CAMK2A: variants seen among roughly 807,000 people sequenced by gnomAD.
The protein encoded by CAMK2A is calcium/calmodulin-dependent protein kinase type II subunit alpha.
A neutral mutation model predicts 79.2 loss-of-function variants in CAMK2A; 7 were observed. The observed-to-expected ratio is 0.09, with a 90% CI of 0.05 to 0.17. The LOEUF is 0.17. Ranked by LOEUF, CAMK2A falls within the 10% of genes least tolerant of loss-of-function variation. The pLI, the probability that CAMK2A is intolerant of heterozygous loss-of-function variation, is 1.00. For synonymous variants in CAMK2A, 242 were observed against 251.7 expected (o/e 0.96, Z 0.36); for missense variants, 214 against 646.4 (o/e 0.33, Z 7.25).
chr5:150,231,252 C>G, intron 16 of CAMK2A, 53 bp downstream of exon 16: 2 of 1,039,644 alleles, frequency 1.9e-6, no homozygotes, highest in East Asian at 2.5e-5. Flanking sequence ...GCCATTGGTA[C>G]CCCCTGAACA....
intron 7 of CAMK2A, among the ~76,000 whole-genome samples, chr5:150,253,164 G>T (rs529648138): frequency 6.6e-6 from 1 of 152,228 alleles, no homozygotes; most frequent in African/African-American, 2.4e-5. Context: ...GGAGCCCTTT[G>T]GGGAGGAGAG....
intron 2 of CAMK2A, among the ~76,000 whole-genome samples, chr5:150,270,710 G>T (rs572683083): frequency 3.9e-5 from 6 of 152,196 alleles, no homozygotes; most frequent in African/African-American, 1.2e-4. Flanking sequence ...TTTCCAGAAG[G>T]TTCCCTGATA....
intron 16 of CAMK2A, among the ~76,000 whole-genome samples, chr5:150,230,670 C>T (rs913294343): frequency 1.3e-5 from 2 of 152,242 alleles, no homozygotes; most frequent in Non-Finnish European, 2.9e-5. Flanking sequence ...TGTGAGTGAA[C>T]AGCACAGGGT....
At position 150,245,338 on chromosome 5, in the gene CAMK2A, GCCTCCTCCTCCT is replaced by G. The variant is rs34649296; in HGVS notation, c.944-149_944-138del. ...AGCTGGCCCAGCGATCCTGGGGGAGGCCTCCTCCTCCTCCTCCTCCTCCTCCTCCTCCTCCTC... is the reference window on the plus strand; with the variant it reads ...AGCTGGCCCAGCGATCCTGGGGGAGGCCTCCTCCTCCTCCTCCTCCTCCTC... On this transcript the variant is annotated intron_variant, in intron 12 of 18. Transcript: ENST00000671881. 9.1e-4 allele frequency: 602 copies of G among 659,298 alleles called. 1 individual carries two copies. The highest frequency in any genetic ancestry group is 1.4e-3 in the Non-Finnish European group (534 of 377,664). 40.8% of individuals were successfully genotyped at this position (659,298 alleles called of 1,614,324 possible).
In CAMK2A at chr5:150,284,610, C is replaced by T. The variant is rs576611814; in HGVS notation, c.62+4954G>A. The stretch of plus-strand genomic sequence containing the variant: ...TGCACCAGAACATGTGCGTGCCTGC[C>T]GCTCTGATGGCTTGGAGGAGAGGGA... On this transcript the variant is annotated intron_variant, in intron 1 of 18. Coordinates refer to ENST00000671881, the MANE Select transcript of CAMK2A (RefSeq NM_015981.4). This position sits in a 1 kb window ranked among gnomAD's most constrained non-coding sequence, Gnocchi z 5.3. Among the ~76,000 whole-genome samples the T allele has an allele frequency of 5.9e-5, 9 of 152,276 alleles. No homozygotes were observed. In the East Asian group the frequency reaches 1.2e-3, roughly 20 times the overall value.
chr5:150,246,007 C>T (rs973073062), intron 12 of CAMK2A, among the ~76,000 whole-genome samples: 4 of 152,224 alleles, frequency 2.6e-5, no homozygotes, highest in African/African-American at 7.2e-5. Flanking sequence ...TTAAATGAAA[C>T]AAGGTATCTG....
chr5:150,275,803 G>A (rs1047023615), intron 1 of CAMK2A, among the ~76,000 whole-genome samples: 3 of 150,838 alleles, frequency 2.0e-5, no homozygotes, highest in South Asian at 2.1e-4. Flanking sequence ...TGTCACCTTC[G>A]GGGTATGTGG....
At chr5:150,266,606 A>C (rs1756523308) in intron 2 of CAMK2A, among the ~76,000 whole-genome samples, 1 of 152,144 alleles carries the variant, frequency 6.6e-6, no homozygotes, top group Non-Finnish European at 1.5e-5. Context: ...AGAGAGGTTA[A>C]GTACCTGCCC....
At chr5:150,253,937 T>C (rs1201118994) in intron 6 of CAMK2A, among the ~76,000 whole-genome samples, 1 of 152,190 alleles carries the variant, frequency 6.6e-6, no homozygotes, top group Non-Finnish European at 1.5e-5. Flanking sequence ...GTGCATCATC[T>C]CTTGTATCAA....
At chr5:150,261,351 G>A (rs1756297736) in intron 3 of CAMK2A, among the ~76,000 whole-genome samples, 1 of 152,110 alleles carries the variant, frequency 6.6e-6, no homozygotes, top group Non-Finnish European at 1.5e-5. Context: ...CACACACAAA[G>A]CCTCCCCTTC....
In CAMK2A at chr5:150,222,159, G is replaced by A. The variant is rs539900482; in HGVS notation, c.*551C>T. ...TCAGACCACCCTGAGGTCAGCACAG[G>A]AGGAAGAAGACTTAGGGGAGCACTT... On this transcript the variant is annotated 3_prime_UTR_variant, in exon 19 of 19. Coordinates refer to ENST00000671881, the MANE Select transcript of CAMK2A (RefSeq NM_015981.4). The A allele has an allele frequency of 2.0e-4, 64 of 324,990 alleles. No homozygotes were observed. Among genetic ancestry groups the A allele is most frequent in the Non-Finnish European group, 2.9e-4 (50 of 169,498 alleles). The allele number at this position is 324,990 out of a possible 1,614,324, so 20.1% of individuals were successfully genotyped here. A position where few individuals can be genotyped will look rare whatever the true frequency, so the allele number is the denominator to read the frequency against.
At chr5:150,226,744 A>AG (rs530069538) in intron 17 of CAMK2A, among the ~76,000 whole-genome samples, 1,144 of 84,392 alleles carry the variant, frequency 0.014, 8 homozygotes, top group Middle Eastern at 0.053. Context: ...AAAAAAAAAA[A>AG]GGGGGGGGGG....
intron 1 of CAMK2A, among the ~76,000 whole-genome samples, chr5:150,286,132 A>G (rs969454953): frequency 1.6e-4 from 24 of 152,144 alleles, no homozygotes; most frequent in African/African-American, 5.3e-4. Context: ...TGCCGCTAGG[A>G]TCTGGGCTTT....
intron 12 of CAMK2A, 124 bp from the exon 13 acceptor site, chr5:150,245,325 G>T: frequency 1.3e-6 from 1 of 778,838 alleles, no homozygotes; most frequent in Non-Finnish European, 2.1e-6. Context: ...CTGGCCCAGC[G>T]ATCCTGGGGG....
At position 150,228,293 on chromosome 5, in the gene CAMK2A, G is replaced by A. The variant is rs781376173; in HGVS notation, c.1143-7C>T. 1.2e-6 allele frequency: 2 copies of A among 1,611,062 alleles called. No individual in the cohort carries two copies. Among genetic ancestry groups the A allele is most frequent in the Non-Finnish European group, 8.5e-7 (1 of 1,177,710 alleles). ...GCCAGGGTCGCACATCTTCCTGGGG[G>A]AAAGAAGCCAGAGGGAAGAGGGACT... On this transcript the variant is annotated splice_polypyrimidine_tract_variant and splice_region_variant and intron_variant, in intron 16 of 18. Coordinates refer to ENST00000671881, the MANE Select transcript of CAMK2A (RefSeq NM_015981.4).
chr5:150,273,423 G>A (rs1349903642), intron 1 of CAMK2A, among the ~76,000 whole-genome samples: 1 of 152,232 alleles, frequency 6.6e-6, no homozygotes, highest in Non-Finnish European at 1.5e-5. Context: ...TCATCATGCT[G>A]TAAAACATTA....
intron 13 of CAMK2A, among the ~76,000 whole-genome samples, chr5:150,240,352 C>G (rs1159436826): frequency 6.6e-6 from 1 of 152,336 alleles, no homozygotes; most frequent in East Asian, 1.9e-4. Flanking sequence ...GCATGGGAGC[C>G]AGTCCTCTAA....
At chr5:150,271,581 A>G (rs1562192054) in intron 2 of CAMK2A, among the ~76,000 whole-genome samples, 1 of 152,126 alleles carries the variant, frequency 6.6e-6, no homozygotes, top group Non-Finnish European at 1.5e-5. Context: ...AGCCCCTCAC[A>G]CAACATCTCC....
In CAMK2A at chr5:150,221,302, AAAAG is replaced by A. The variant is rs1418232805; in HGVS notation, c.*1404_*1407del. The A allele has an allele frequency of 5.0e-6, 2 of 397,322 alleles. No individual in the cohort carries two copies. The highest frequency in any genetic ancestry group is 2.1e-5 in the African/African-American group (1 of 48,490). 24.6% of individuals were successfully genotyped at this position (397,322 alleles called of 1,614,324 possible). ...AATCCCAGGGAAAGAGGGAAAGAGGAAAAGAAAGAGAGAATGCGAACCCGAGGCT... is the reference window on the plus strand; with the variant it reads ...AATCCCAGGGAAAGAGGGAAAGAGGAAAAGAGAGAATGCGAACCCGAGGCT... On this transcript the variant is annotated 3_prime_UTR_variant, in exon 19 of 19. Transcript: ENST00000671881.
Sources: allele counts gnomAD v4.1 joint callset (sites outside exome capture counted in the v4.1 genomes callset), GRCh38; gene constraint gnomAD v4.1.1; non-coding constraint Gnocchi (gnomAD v3.1); transcripts MANE v1.5; gene names NCBI Gene and HGNC (gene_info 2026-07-23, HGNC 2026-07-21).